EPAS1: variants seen among roughly 807,000 people sequenced by gnomAD.
EPAS1 encodes endothelial PAS domain-containing protein 1.
Under a neutral mutation model 87.9 loss-of-function variants are expected in EPAS1, and 23 were observed. The observed-to-expected ratio is 0.26, with a 90% CI of 0.19 to 0.37. The LOEUF is 0.37. EPAS1 is among the 10% of genes least tolerant of loss of function. The pLI, the probability that EPAS1 is intolerant of heterozygous loss-of-function variation, is 1.00. For synonymous variants in EPAS1, 508 were observed against 444.3 expected (o/e 1.14, Z -1.80); for missense variants, 1,138 against 1,120.7 (o/e 1.02, Z -0.22).
At chr2:46,301,340 C>T (rs1188211732) in intron 1 of EPAS1, among the ~76,000 whole-genome samples, 1 of 152,090 alleles carries the variant, frequency 6.6e-6, no homozygotes, top group Non-Finnish European at 1.5e-5. Context: ...CTTTGGGAGG[C>T]TGAGGCTGCG....
At chr2:46,377,593 T>C (rs1684783902) in intron 9 of EPAS1, among the ~76,000 whole-genome samples, 1 of 152,240 alleles carries the variant, frequency 6.6e-6, no homozygotes, top group South Asian at 2.1e-4. Context: ...CTCCCTCTCA[T>C]ACCTTCCTTG....
At chr2:46,368,151 T>C (rs915273750) in intron 6 of EPAS1, among the ~76,000 whole-genome samples, 2 of 152,154 alleles carry the variant, frequency 1.3e-5, no homozygotes, top group African/African-American at 4.8e-5. Flanking sequence ...CAGCCTAGGA[T>C]GTGAGGAGAC....
intron 1 of EPAS1, among the ~76,000 whole-genome samples, chr2:46,315,396 C>T (rs1683294392): frequency 6.6e-6 from 1 of 152,096 alleles, no homozygotes; most frequent in African/African-American, 2.4e-5. Context: ...TGGGGAGTCA[C>T]CTTGAACTTG....
intron 10 of EPAS1, 94 bp downstream of exon 10, chr2:46,378,181 C>T: frequency 6.6e-7 from 1 of 1,518,770 alleles, no homozygotes; most frequent in Non-Finnish European, 8.8e-7. Flanking sequence ...AGGTACTGTC[C>T]TTCTCAGGTT....
At chr2:46,362,183 C>T (rs1684408162) in intron 6 of EPAS1, among the ~76,000 whole-genome samples, 2 of 152,198 alleles carry the variant, frequency 1.3e-5, no homozygotes, top group South Asian at 4.1e-4. Context: ...TTTGCCACCC[C>T]CAACTCTTTG....
rs1032427313 is a variant in EPAS1, at chr2:46,332,535, C to T, written c.27-14338C>T. ...GTGTGTCTTGCAGGGAAGTCAAAGG[C>T]GGAGGAGTAGAGTAGAGTGGACTTT... On this transcript the variant is annotated intron_variant, in intron 1 of 15. Transcript: ENST00000263734. Among the ~76,000 whole-genome samples, 7 of 151,984 alleles carry T rather than the reference C, an allele frequency of 4.6e-5. No homozygotes were observed. In the East Asian group the frequency reaches 7.7e-4, roughly 17 times the overall value.
chr2:46,384,754 A>G lies in EPAS1; in HGVS notation c.*94A>G. 2.0e-6 allele frequency: 3 copies of G among 1,506,596 alleles called. No homozygotes were observed. The highest frequency in any genetic ancestry group is 2.7e-6 in the Non-Finnish European group (3 of 1,115,680). The allele number at this position is 1,506,596 out of a possible 1,614,324, so 93.3% of individuals were successfully genotyped here. On this transcript the variant is annotated 3_prime_UTR_variant, in exon 16 of 16. Transcript: ENST00000263734. ...TTTGCAACTAGGTATTTCTAACGCC[A>G]GCACACTATTTACAAGATGGACTTA...
intron 15 of EPAS1, among the ~76,000 whole-genome samples, chr2:46,383,694 C>T (rs1028104482): frequency 2.0e-5 from 3 of 152,196 alleles, no homozygotes; most frequent in Non-Finnish European, 4.4e-5. Flanking sequence ...AAATCATATT[C>T]TTTTCAAAAG....
In EPAS1 at chr2:46,375,569, G is replaced by T. The variant is rs904305615; in HGVS notation, c.887-121G>T. 12 of 1,256,656 alleles carry T rather than the reference G, an allele frequency of 9.5e-6. No homozygotes were observed. The highest frequency in any genetic ancestry group is 2.6e-5 in the South Asian group (2 of 77,294). The allele number at this position is 1,256,656 out of a possible 1,614,324, so 77.8% of individuals were successfully genotyped here. On this transcript the variant is annotated intron_variant, in intron 7 of 15. Transcript: ENST00000263734. The surrounding 1 kb of genome is among the most constrained non-coding windows in gnomAD (Gnocchi z 4.1). The stretch of plus-strand genomic sequence containing the variant: ...GTCACTCTCCCTGGTCCTCACTGTC[G>T]TGGCGCCCTGTTCTGTCTGTTCCCC...
At chr2:46,382,329 G>C in intron 14 of EPAS1, 96 bp from the exon 15 acceptor site, 1 of 1,502,296 alleles carries the variant, frequency 6.7e-7, no homozygotes, top group Non-Finnish European at 9.3e-7. Context: ...TGGTGACTCT[G>C]AGCACCTTTT....
intron 1 of EPAS1, among the ~76,000 whole-genome samples, chr2:46,332,170 G>C (rs1002994665): frequency 2.6e-5 from 4 of 151,964 alleles, no homozygotes; most frequent in African/African-American, 9.7e-5. Context: ...CCAGGAAAAA[G>C]AGGGTTAAGT....
chr2:46,343,459 T>G (rs767423798), intron 1 of EPAS1, among the ~76,000 whole-genome samples: 4 of 152,260 alleles, frequency 2.6e-5, no homozygotes, highest in Admixed American at 6.5e-5. Context: ...GAAAAACTTT[T>G]GATCTTGGAC....
At chr2:46,329,787 A>G (rs1683639039) in intron 1 of EPAS1, among the ~76,000 whole-genome samples, 1 of 152,136 alleles carries the variant, frequency 6.6e-6, no homozygotes, top group African/African-American at 2.4e-5. Flanking sequence ...ACACCACTGC[A>G]CTCTGGGTGA....
rs1460963423 is a variant in EPAS1 at position 46,371,234 on chromosome 2, A to G, written c.886+1301A>G. 1.3e-5 allele frequency among the ~76,000 whole-genome samples: 2 copies of G among 152,172 alleles called. No homozygotes were observed. Among genetic ancestry groups the G allele is most frequent in the Non-Finnish European group, 2.9e-5 (2 of 68,028 alleles). On this transcript the variant is annotated intron_variant, in intron 7 of 15. Coordinates refer to ENST00000263734, the MANE Select transcript of EPAS1 (RefSeq NM_001430.5). This position sits in a 1 kb window ranked among gnomAD's most constrained non-coding sequence, Gnocchi z 4.3. ...GGGCAGCCATTTGTCCATGGCTCCT[A>G]AATCCACCCATCTACCCCAAGGCTA...
At position 46,358,998 on chromosome 2, in the gene EPAS1, C is replaced by T. The variant is rs572389223; in HGVS notation, c.455-1640C>T. Among the ~76,000 whole-genome samples, 20 of 152,204 alleles carry T rather than the reference C, an allele frequency of 1.3e-4. 1 individual carries two copies. The highest frequency in any genetic ancestry group is 4.1e-4 in the African/African-American group (17 of 41,518). On this transcript the variant is annotated intron_variant, in intron 4 of 15. Transcript: ENST00000263734. Reference sequence around the variant, plus strand: ...GAACAAGGCCAGGCACGGTGGCTCACGCCTGTAATCCCAGGACTTTCGGAG... The same window carrying T: ...GAACAAGGCCAGGCACGGTGGCTCATGCCTGTAATCCCAGGACTTTCGGAG...
chr2:46,368,287 C>T (rs1271041863), intron 6 of EPAS1, among the ~76,000 whole-genome samples: 6 of 152,008 alleles, frequency 3.9e-5, no homozygotes, highest in Non-Finnish European at 8.8e-5. Flanking sequence ...GGTGTCAGGG[C>T]TTGGAGAAGA....
In EPAS1 at chr2:46,377,833, T is replaced by C. The variant is rs193105755; in HGVS notation, c.1250-61T>C. On this transcript the variant is annotated intron_variant, in intron 9 of 15. Coordinates refer to ENST00000263734, the MANE Select transcript of EPAS1 (RefSeq NM_001430.5). ...CCTTCTCTGCGGTTTTTGGGCCTCCTCTGCCTTGGGGTGAGCCCGATGGTT... is the reference window on the plus strand; with the variant it reads ...CCTTCTCTGCGGTTTTTGGGCCTCCCCTGCCTTGGGGTGAGCCCGATGGTT... 3,669 of 1,551,438 alleles carry C rather than the reference T, an allele frequency of 2.4e-3. 6 individuals carry two copies. The highest frequency in any genetic ancestry group is 3.0e-3 in the Non-Finnish European group (3,489 of 1,146,904).
At chr2:46,352,911 C>T (rs1445464696) in intron 2 of EPAS1, among the ~76,000 whole-genome samples, 1 of 152,198 alleles carries the variant, frequency 6.6e-6, no homozygotes, top group African/African-American at 2.4e-5. Context: ...CTCCTGGAAG[C>T]AAATGCACTG....
intron 1 of EPAS1, among the ~76,000 whole-genome samples, chr2:46,301,918 A>T (rs1251636703): frequency 6.6e-6 from 1 of 152,152 alleles, no homozygotes; most frequent in Non-Finnish European, 1.5e-5. Flanking sequence ...AGTTAGAAAA[A>T]AATCTACTTA....
Sources: allele counts gnomAD v4.1 joint callset (sites outside exome capture counted in the v4.1 genomes callset), GRCh38; gene constraint gnomAD v4.1.1; non-coding constraint Gnocchi (gnomAD v3.1); transcripts MANE v1.5; gene names NCBI Gene and HGNC (gene_info 2026-07-23, HGNC 2026-07-21).